Variants in MAST2 observed in about 807,000 individuals in gnomAD.
MAST2 encodes the protein microtubule-associated serine/threonine-protein kinase 2.
Under a neutral mutation model 147.4 loss-of-function variants are expected in MAST2, and 70 were observed. That is an observed-to-expected ratio of 0.47 (90% CI 0.39 to 0.58). The LOEUF (loss-of-function observed/expected upper bound fraction) is 0.58, where lower values mean the gene tolerates loss of function less well. MAST2 is among the 20% of genes least tolerant of loss of function. The pLI, the probability that MAST2 is intolerant of heterozygous loss-of-function variation, is 0.00. For synonymous variants in MAST2, 869 were observed against 896.8 expected (o/e 0.97, Z 0.55); for missense variants, 2,080 against 2,302.3 (o/e 0.90, Z 1.98).
chr1:46,035,164 C>A lies in MAST2; in HGVS notation c.4495C>A (p.Arg1499Ser), dbSNP rs200466794. ...GTCGCTGCAGAAGCAAGAAGCCATTCGTGAGGTGGACTCCTCAGAGGACGA... is the reference window on the plus strand; with the variant it reads ...GTCGCTGCAGAAGCAAGAAGCCATTAGTGAGGTGGACTCCTCAGAGGACGA... Reference protein sequence around the residue: ...RESLQKQEAIREVDSSEDDTE... With the variant: ...RESLQKQEAISEVDSSEDDTE... Residue 1499 changes from arginine to serine, a missense_variant, in exon 29 of 29, where the codon CGT becomes AGT. Physicochemically the swap from Arg to Ser is moderately radical, Grantham distance 110 (BLOSUM62 -1). Coordinates refer to ENST00000361297, the MANE Select transcript of MAST2 (RefSeq NM_015112.3). The surrounding 1 kb of genome is among the most constrained non-coding windows in gnomAD (Gnocchi z 5.5). The A allele has an allele frequency of 1.2e-6, 2 of 1,613,920 alleles. No individual in the cohort carries two copies. The highest frequency in any genetic ancestry group is 1.3e-5 in the African/African-American group (1 of 75,038).
At chr1:45,933,199 G>T (rs1348569468) in intron 4 of MAST2, among the ~76,000 whole-genome samples, 1 of 131,468 alleles carries the variant, frequency 7.6e-6, no homozygotes, top group Non-Finnish European at 1.6e-5. Context: ...CTCCAGCCTG[G>T]GCAACAGAGC....
At chr1:45,891,806 C>T (rs1239035950) in intron 4 of MAST2, among the ~76,000 whole-genome samples, 1 of 152,072 alleles carries the variant, frequency 6.6e-6, no homozygotes, top group African/African-American at 2.4e-5. Context: ...CTTAAATTTA[C>T]TTTGCTGTAA....
chr1:46,030,751 T>C lies in MAST2; in HGVS notation c.2698T>C (p.Ser900Pro), dbSNP rs1327095586. Reference protein sequence around the residue: ...KGRDRSWVIGSPEILRKRLSV... With the variant: ...KGRDRSWVIGPPEILRKRLSV... ...CCGAGACCGGAGCTGGGTGATTGGC[T>C]CCCCTGAGATGTGAGCACCCAGAGT... Residue 900 changes from serine (S) to proline (P), a missense_variant, in exon 22 of 29, where the codon TCC becomes CCC. By Grantham distance (74) the Ser-to-Pro change is moderately conservative. Transcript: ENST00000361297. 7 of 1,581,700 alleles carry C rather than the reference T, an allele frequency of 4.4e-6. No individual in the cohort carries two copies. The highest frequency in any genetic ancestry group is 6.0e-6 in the Non-Finnish European group (7 of 1,168,156).
intron 4 of MAST2, among the ~76,000 whole-genome samples, chr1:45,904,213 C>T (rs530494432): frequency 4.2e-4 from 63 of 151,750 alleles, no homozygotes; most frequent in Non-Finnish European, 6.8e-4. Flanking sequence ...ACTCTTGTCC[C>T]CCAGGCTGGA....
chr1:45,919,528 G>T (rs1359528781), intron 4 of MAST2, among the ~76,000 whole-genome samples: 1 of 152,212 alleles, frequency 6.6e-6, no homozygotes, highest in Non-Finnish European at 1.5e-5. Flanking sequence ...GACATTATTT[G>T]ATACAGGAGC....
At chr1:45,972,605 A>G (rs893262628) in intron 5 of MAST2, among the ~76,000 whole-genome samples, 1 of 152,132 alleles carries the variant, frequency 6.6e-6, no homozygotes, top group Non-Finnish European at 1.5e-5. Flanking sequence ...TCTGCATTGA[A>G]TCTATTTGGG....
intron 3 of MAST2, among the ~76,000 whole-genome samples, chr1:45,867,914 C>T (rs568748438): frequency 1.3e-5 from 2 of 152,292 alleles, no homozygotes; most frequent in East Asian, 3.9e-4. Flanking sequence ...TGTATTTGCT[C>T]AGCTTCATTG....
At chr1:45,993,696 T>C (rs913041508) in intron 5 of MAST2, among the ~76,000 whole-genome samples, 1 of 152,024 alleles carries the variant, frequency 6.6e-6, no homozygotes, top group African/African-American at 2.4e-5. Flanking sequence ...AAAAAAATTT[T>C]TTTTTGCTGG....
chr1:45,952,453 G>T (rs1447051001), intron 4 of MAST2, among the ~76,000 whole-genome samples: 1 of 152,170 alleles, frequency 6.6e-6, no homozygotes, highest in Non-Finnish European at 1.5e-5. Context: ...TTAGATAGTG[G>T]CAGTGCTTGC....
At chr1:45,895,112 G>T (rs950701494) in intron 4 of MAST2, among the ~76,000 whole-genome samples, 2 of 152,192 alleles carry the variant, frequency 1.3e-5, no homozygotes, top group African/African-American at 2.4e-5. Flanking sequence ...CTATTGTTTG[G>T]CACTACAGAT....
Position 46,022,972 on chromosome 1 carries a change from G to A in MAST2, c.1485+1G>A, listed in dbSNP as rs1472649859. 1.9e-6 allele frequency: 3 copies of A among 1,613,956 alleles called. No homozygotes were observed. The highest frequency in any genetic ancestry group is 1.7e-6 in the Non-Finnish European group (2 of 1,179,848). ...TCCAGAGACAGATGATTCTATTGAG[G>A]TAAAAACCCTGAGCTCCTACCCCAT... On this transcript the variant is annotated splice_donor_variant, in intron 13 of 28. Transcript: ENST00000361297. LOFTEE classifies it high-confidence loss of function.
intron 10 of MAST2, among the ~76,000 whole-genome samples, chr1:46,011,869 T>G (rs1645728574): frequency 6.6e-6 from 1 of 152,200 alleles, no homozygotes; most frequent in African/African-American, 2.4e-5. Flanking sequence ...TGACTAAAGA[T>G]GATCATGATT....
chr1:45,933,225 TA>T (rs67194773), intron 4 of MAST2, among the ~76,000 whole-genome samples: 800 of 32,132 alleles, frequency 0.025, 36 homozygotes, highest in African/African-American at 0.045. Flanking sequence ...CCTGTCTCTT[TA>T]AAAAAAAAAA....
At chr1:45,846,208 C>T (rs1437567613) in intron 3 of MAST2, among the ~76,000 whole-genome samples, 1 of 151,316 alleles carries the variant, frequency 6.6e-6, no homozygotes, top group African/African-American at 2.4e-5. Context: ...TCACATTTTC[C>T]CTTATGTTGT....
intron 4 of MAST2, among the ~76,000 whole-genome samples, chr1:45,950,426 T>C (rs1053353963): frequency 1.1e-4 from 16 of 152,166 alleles, no homozygotes; most frequent in African/African-American, 3.9e-4. Context: ...ACCACTGGCA[T>C]GTACAGATAA....
chr1:45,808,757 CT>C lies in MAST2; in HGVS notation c.177+4686del, dbSNP rs1644210642. On this transcript the variant is annotated intron_variant, in intron 1 of 28. Transcript: ENST00000361297. The stretch of plus-strand genomic sequence containing the variant: ...AGATTGGAACTCATTGCCTCCCTGG[CT>C]AATGGTAAGTGCTTTATAAATACTC... Among the ~76,000 whole-genome samples the C allele has an allele frequency of 3.9e-5, 6 of 152,136 alleles. 1 individual carries two copies. The South Asian group carries it at 1.2e-3, about 32-fold the overall frequency.
chr1:46,023,294 A>C lies in MAST2; in HGVS notation c.1547A>C (p.Lys516Thr). The C allele has an allele frequency of 6.2e-7, 1 of 1,614,146 alleles. No homozygotes were observed. Among genetic ancestry groups the C allele is most frequent in the South Asian group, 1.1e-5 (1 of 91,076 alleles). The part of the protein sequence containing the change: ...TPSEEDFETI[K>T]LISNGAYGAV... ...TCTGAAGAGGACTTCGAGACCATTA[A>C]GCTCATCAGCAATGGCGCCTATGGG... The change falls in exon 14 of 29, where the codon AAG (lysine) becomes ACG (threonine). Residue 516 changes from lysine to threonine, a missense_variant. By Grantham distance (78) the Lys-to-Thr change is moderately conservative. Around this residue, in one of 4 missense-constraint regions of MAST2, gnomAD observed 569 missense variants for 642.5 expected, o/e 0.89. Coordinates refer to ENST00000361297, the MANE Select transcript of MAST2 (RefSeq NM_015112.3). The surrounding 1 kb of genome is among the most constrained non-coding windows in gnomAD (Gnocchi z 4.9).
chr1:45,836,835 C>T (rs753652111), intron 3 of MAST2, among the ~76,000 whole-genome samples: 75 of 152,170 alleles, frequency 4.9e-4, no homozygotes, highest in Non-Finnish European at 8.4e-4. Context: ...GAACAGCATT[C>T]CCCAACCTTT....
chr1:46,030,886 C>A, intron 22 of MAST2, 121 bp from the exon 23 acceptor site: 1 of 1,469,824 alleles, frequency 6.8e-7, no homozygotes, highest in South Asian at 1.4e-5. Context: ...ACAAGGGTGG[C>A]TCCTGGAGGA....
Sources: allele counts gnomAD v4.1 joint callset (sites outside exome capture counted in the v4.1 genomes callset), GRCh38; gene constraint gnomAD v4.1.1; regional missense constraint gnomAD v4.1.1; non-coding constraint Gnocchi (gnomAD v3.1); transcripts MANE v1.5; gene names NCBI Gene and HGNC (gene_info 2026-07-23, HGNC 2026-07-21).